The following SETX variants were observed in gnomAD, a reference collection of about 807,000 sequenced individuals.
SETX encodes senataxin.
Under a neutral mutation model 227.2 loss-of-function variants are expected in SETX, and 90 were observed. That is an observed-to-expected ratio of 0.40 (90% CI 0.33 to 0.47). The LOEUF is 0.47. SETX is among the 20% of genes least tolerant of loss of function. SETX has a pLI of 0.91. For missense variants in SETX, 3,052 were observed against 3,181.5 expected, an observed-to-expected ratio of 0.96 and a Z score of 0.98; for synonymous variants, 1,210 against 1,113.2, an observed-to-expected ratio of 1.09 and a Z score of -1.73.
intron 22 of SETX, among the ~76,000 whole-genome samples, chr9:132,276,610 C>T (rs1352445971): frequency 2.6e-5 from 4 of 152,238 alleles, no homozygotes; most frequent in Non-Finnish European, 5.9e-5. Flanking sequence ...CTCCTCTTTG[C>T]TGTCATATAC....
intron 15 of SETX, among the ~76,000 whole-genome samples, chr9:132,289,831 A>AAC (rs1464474397): frequency 1.3e-5 from 2 of 152,238 alleles, no homozygotes; most frequent in Non-Finnish European, 2.9e-5. Flanking sequence ...ATCTCAGGTT[A>AAC]ACACATTGCT....
intron 5 of SETX, 120 bp from the exon 6 acceptor site, chr9:132,336,635 T>C (rs1262429857): frequency 6.5e-6 from 5 of 769,928 alleles, no homozygotes; most frequent in Non-Finnish European, 1.1e-5. Context: ...TATTAATTAA[T>C]GCAATGTGTG....
In SETX at chr9:132,285,966, T is replaced by C. The variant is rs113078443; in HGVS notation, c.6396+457A>G. On this transcript the variant is annotated intron_variant, in intron 18 of 25. Transcript: ENST00000224140. Reference sequence around the variant, plus strand: ...GAGGGAGGCTGAGGCAGGAGGATCATGACGTCAAGAGATCCAGACCATCCT... The same window carrying C: ...GAGGGAGGCTGAGGCAGGAGGATCACGACGTCAAGAGATCCAGACCATCCT... 3.9e-3 allele frequency among the ~76,000 whole-genome samples: 557 copies of C among 143,432 alleles called. 4 individuals are homozygous for C. Among genetic ancestry groups the C allele is most frequent in the African/African-American group, 0.014 (532 of 38,054 alleles). The allele number at this position is 143,432 out of a possible 152,430, so 94.1% of individuals were successfully genotyped here.
chr9:132,355,953 C>T (rs1350902460), upstream of SETX, among the ~76,000 whole-genome samples: 2 of 145,376 alleles, frequency 1.4e-5, no homozygotes, highest in Admixed American at 7.0e-5. Flanking sequence ...CACCACTGCA[C>T]TCCAGCCTGG....
rs1844702398 is a variant in SETX, at chr9:132,296,876, C to T, written c.5949+11G>A. The T allele has an allele frequency of 6.2e-7, 1 of 1,613,872 alleles. No homozygotes were observed. Among genetic ancestry groups the T allele is most frequent in the Non-Finnish European group, 8.5e-7 (1 of 1,179,796 alleles). ...CTAGTTAACAGCATCAGTGCCCTCA[C>T]CCATACCTACCTCTGTCAGTAGACG... On this transcript the variant is annotated intron_variant, in intron 14 of 25. Coordinates refer to ENST00000224140, the MANE Select transcript of SETX (RefSeq NM_015046.7).
In SETX at chr9:132,261,961, G is replaced by C. The variant is rs998414209; in HGVS notation, c.*2278C>G. 1 of 154,440 alleles carries C rather than the reference G, an allele frequency of 6.5e-6. No individual in the cohort carries two copies. The highest frequency in any genetic ancestry group is 1.5e-5 in the Non-Finnish European group (1 of 68,230). The allele number at this position is 154,440 out of a possible 1,614,324, so 9.6% of individuals were successfully genotyped here. A position where few individuals can be genotyped will look rare whatever the true frequency, so the allele number is the denominator to read the frequency against. On this transcript the variant is annotated 3_prime_UTR_variant, in exon 26 of 26. Transcript: ENST00000224140. ...CGCTGCGCTGACAGCCACATCAGGA[G>C]GGGCCACGGTGAACATAGGAAATGG...
chr9:132,334,849 A>G (rs1347869564), intron 6 of SETX, 122 bp from the exon 7 acceptor site: 1 of 1,060,082 alleles, frequency 9.4e-7, no homozygotes, highest in African/African-American at 1.6e-5. Context: ...TTTCTCAAAC[A>G]TTTAAGTCTC....
Position 132,333,388 on chromosome 9 carries a change from AAAAAAAAAAG to A in SETX, c.838+1210_838+1219del, listed in dbSNP as rs1259865317. 2.5e-3 allele frequency among the ~76,000 whole-genome samples: 131 copies of A among 52,792 alleles called. 6 individuals are homozygous for A. Among genetic ancestry groups the A allele is most frequent in the African/African-American group, 0.013 (127 of 9,558 alleles). 34.6% of individuals were successfully genotyped at this position (52,792 alleles called of 152,430 possible). A position where few individuals can be genotyped will look rare whatever the true frequency, so the allele number is the denominator to read the frequency against. ...GAAAGACTTGGTCTCAAAAAGAAAA[AAAAAAAAAAG>A]AAAAAAAAAAATATATATACACACA... On this transcript the variant is annotated intron_variant, in intron 7 of 25. Transcript: ENST00000224140.
chr9:132,320,314 G>A (rs1263276379), intron 10 of SETX, among the ~76,000 whole-genome samples: 1 of 152,088 alleles, frequency 6.6e-6, no homozygotes, highest in Non-Finnish European at 1.5e-5. Flanking sequence ...AGTGGCTCAC[G>A]CCTGTAATCC....
chr9:132,337,043 G>A (rs1266852310), intron 5 of SETX, among the ~76,000 whole-genome samples: 3 of 152,130 alleles, frequency 2.0e-5, no homozygotes, highest in Non-Finnish European at 2.9e-5. Context: ...TCCAGCCTGG[G>A]CGACAAGAGT....
At chr9:132,313,989 TG>T (rs1564522456) in intron 10 of SETX, among the ~76,000 whole-genome samples, 1 of 152,036 alleles carries the variant, frequency 6.6e-6, no homozygotes, top group East Asian at 1.9e-4. Context: ...TGGAGTGCAA[TG>T]GCACCATTTC....
intron 5 of SETX, among the ~76,000 whole-genome samples, chr9:132,340,081 T>C (rs981858596): frequency 6.6e-6 from 1 of 152,216 alleles, no homozygotes; most frequent in African/African-American, 2.4e-5. Context: ...GGTCTTCTAA[T>C]ACAGTCACTC....
Position 132,327,210 on chromosome 9 carries a change from T to C in SETX, c.4388A>G (p.Asp1463Gly), listed in dbSNP as rs1212920742. Residue 1463 changes from aspartate to glycine, a missense_variant, in exon 10 of 26, where the codon GAC (aspartate) becomes GGC (glycine). Physicochemically the swap from Asp to Gly is moderately conservative, Grantham distance 94 (BLOSUM62 -1). Transcript: ENST00000224140. ...TNEVIVSTSE[D>G]PLGGGDPTAR... ...TGTTGGATCACCTCCACCCAGAGGG[T>C]CTTCTGAAGTGGAGACAATTACTTC... is the stretch of plus-strand genomic sequence containing the variant. The C allele has an allele frequency of 5.0e-6, 8 of 1,614,190 alleles. No homozygotes were observed. The highest frequency in any genetic ancestry group is 1.3e-5 in the African/African-American group (1 of 75,054).
chr9:132,269,163 C>T (rs993003892), intron 25 of SETX, among the ~76,000 whole-genome samples: 5 of 152,248 alleles, frequency 3.3e-5, no homozygotes, highest in African/African-American at 1.2e-4. Flanking sequence ...CAGAAGAATG[C>T]CGGAGGCGCT....
At position 132,300,812 on chromosome 9, in the gene SETX, C is replaced by T. The variant is rs1239409311; in HGVS notation, c.5375-9G>A. ...ACATTCTTCCAGATAAACTATGAAACAAGAAGAAGTCGGAATTCATATAAC... is the reference window on the plus strand; with the variant it reads ...ACATTCTTCCAGATAAACTATGAAATAAGAAGAAGTCGGAATTCATATAAC... On this transcript the variant is annotated splice_polypyrimidine_tract_variant and intron_variant, in intron 11 of 25. Coordinates refer to ENST00000224140, the MANE Select transcript of SETX (RefSeq NM_015046.7). 3 of 1,610,890 alleles carry T rather than the reference C, an allele frequency of 1.9e-6. No homozygotes were observed. Among genetic ancestry groups the T allele is most frequent in the Non-Finnish European group, 2.5e-6 (3 of 1,178,982 alleles).
In SETX at chr9:132,331,149, TAA is replaced by T. The variant is rs762547594; in HGVS notation, c.1011-12_1011-11del. On this transcript the variant is annotated splice_polypyrimidine_tract_variant and intron_variant, in intron 8 of 25. Coordinates refer to ENST00000224140, the MANE Select transcript of SETX (RefSeq NM_015046.7). ...CGGTTCTAACTTGGTCCTTAAATAT[TAA>T]GAATAAATAGAAATTACTGAAACGA... 1 of 1,611,158 alleles carries T rather than the reference TAA, an allele frequency of 6.2e-7. No individual in the cohort carries two copies. Among genetic ancestry groups the T allele is most frequent in the South Asian group, 1.1e-5 (1 of 90,952 alleles).
At position 132,281,548 on chromosome 9, in the gene SETX, A is replaced by G. The variant is rs769294288; in HGVS notation, c.6573T>C (p.Thr2191=). The G allele has an allele frequency of 1.2e-6, 2 of 1,613,962 alleles. No homozygotes were observed. The highest frequency in any genetic ancestry group is 1.7e-6 in the Non-Finnish European group (2 of 1,179,856). ...TGCAGCGATGGATGAGTGGAGTAAG[A>G]GTCTCAATTTCACAAGACTGTCCAG... is the stretch of plus-strand genomic sequence containing the variant. ...DEAGQSCEIE[T]LTPLIHRCNK... The change falls in exon 20 of 26, where the codon ACT becomes ACC. Residue 2191 remains threonine (T), a synonymous_variant. Transcript: ENST00000224140.
chr9:132,353,836 T>A (rs1326391528), intron 1 of SETX, 81 bp from the exon 2 acceptor site: 2 of 152,166 alleles, frequency 1.3e-5, no homozygotes, highest in Non-Finnish European at 2.9e-5. Flanking sequence ...TCGATCCTAT[T>A]ACAGACAGAT....
intron 4 of SETX, among the ~76,000 whole-genome samples, chr9:132,344,721 A>G (rs1848190742): frequency 6.6e-6 from 1 of 152,078 alleles, no homozygotes; most frequent in African/African-American, 2.4e-5. Flanking sequence ...TAAAAATACA[A>G]AAAATTAGCC....
Sources: allele counts gnomAD v4.1 joint callset (sites outside exome capture counted in the v4.1 genomes callset), GRCh38; gene constraint gnomAD v4.1.1; transcripts MANE v1.5; gene names NCBI Gene and HGNC (gene_info 2026-07-23, HGNC 2026-07-21).